Variants in RANBP2 observed in about 807,000 individuals in gnomAD.
The protein encoded by RANBP2 is E3 SUMO-protein ligase RanBP2.
In RANBP2, 57 loss-of-function variants were observed where a neutral mutation model predicts 303.6. The ratio of observed to expected loss-of-function variants is 0.19; its 90% confidence interval spans 0.15 to 0.23. The LOEUF (loss-of-function observed/expected upper bound fraction) is 0.23. Ranked by LOEUF, RANBP2 falls within the 10% of genes least tolerant of loss-of-function variation. The pLI, the probability that RANBP2 is intolerant of heterozygous loss-of-function variation, is 1.00. For synonymous variants in RANBP2, 1,167 were observed against 1,301.5 expected, an observed-to-expected ratio of 0.90 and a Z score of 2.23; for missense variants, 3,138 against 3,780.8, an observed-to-expected ratio of 0.83 and a Z score of 4.46.
intron 1 of RANBP2, among the ~76,000 whole-genome samples, chr2:108,727,327 AGAAG>A (rs1453268578): frequency 1.3e-5 from 2 of 152,346 alleles, no homozygotes; most frequent in East Asian, 3.9e-4. Context: ...GAAATTGTGA[AGAAG>A]GAAAAAGAAA....
At chr2:109,174,122 C>T in the RANBP2 span, among the ~76,000 whole-genome samples, 1 of 152,244 alleles carries the variant, frequency 6.6e-6, no homozygotes, top group Admixed American at 6.5e-5. Flanking sequence ...GACAGCAGGG[C>T]TGTGCCATAG....
At chr2:109,676,081 C>G in the RANBP2 span, among the ~76,000 whole-genome samples, 1 of 152,256 alleles carries the variant, frequency 6.6e-6, no homozygotes, top group Non-Finnish European at 1.5e-5. Context: ...ATCCATCAGT[C>G]TTGCTCTGTG....
At chr2:109,187,067 T>C in the RANBP2 span, among the ~76,000 whole-genome samples, 2 of 152,126 alleles carry the variant, frequency 1.3e-5, no homozygotes, top group African/African-American at 4.8e-5. Flanking sequence ...TCACGGATCA[T>C]TTAAGCATAT....
At chr2:108,747,237 C>CT (rs1696585360) in intron 8 of RANBP2, among the ~76,000 whole-genome samples, 2 of 152,148 alleles carry the variant, frequency 1.3e-5, no homozygotes, top group Admixed American at 6.5e-5. Context: ...ATATTAGGCT[C>CT]TTGGAATTTG....
chr2:109,325,876 T>C, the RANBP2 span, among the ~76,000 whole-genome samples: 530 of 152,348 alleles, frequency 3.5e-3, 5 homozygotes, highest in African/African-American at 0.012. Context: ...GGGAAAAAGT[T>C]CAGAGAGGGT....
At chr2:109,545,425 T>C in the RANBP2 span, 12 of 1,536,076 alleles carry the variant, frequency 7.8e-6, no homozygotes, top group Non-Finnish European at 9.6e-6. Flanking sequence ...CACATGCTAC[T>C]CATGGCTGCC....
chr2:109,572,633 T>C, the RANBP2 span, among the ~76,000 whole-genome samples: 4 of 148,908 alleles, frequency 2.7e-5, no homozygotes, highest in Non-Finnish European at 5.9e-5. Flanking sequence ...TTTTTTTTTT[T>C]TGAGACGGAG....
At chr2:108,885,653 C>T in the RANBP2 span, among the ~76,000 whole-genome samples, 1 of 152,164 alleles carries the variant, frequency 6.6e-6, no homozygotes, top group South Asian at 2.1e-4. Flanking sequence ...GAGTACAATA[C>T]ATCTTTGTTA....
chr2:109,366,833 A>T, the RANBP2 span, among the ~76,000 whole-genome samples: 1 of 152,272 alleles, frequency 6.6e-6, no homozygotes, highest in Non-Finnish European at 1.5e-5. Context: ...AGCCTGGGCA[A>T]CAGAGCAAGA....
At chr2:108,862,201 AAAAAC>A in the RANBP2 span, among the ~76,000 whole-genome samples, 3 of 152,056 alleles carry the variant, frequency 2.0e-5, no homozygotes, top group African/African-American at 7.2e-5. Flanking sequence ...CACTTAAAAA[AAAAAC>A]AAAACAGGAA....
At chr2:109,200,941 G>A in the RANBP2 span, among the ~76,000 whole-genome samples, 3 of 152,260 alleles carry the variant, frequency 2.0e-5, no homozygotes, top group South Asian at 2.1e-4. Flanking sequence ...TGCAGACCTC[G>A]CAGTGGCCCG....
the RANBP2 span, chr2:109,604,691 C>T: frequency 6.7e-6 from 1 of 148,774 alleles, no homozygotes; most frequent in Non-Finnish European, 1.5e-5. Flanking sequence ...TGAGCCACTC[C>T]AGCCTGGGTG....
At chr2:109,040,001 A>G in the RANBP2 span, among the ~76,000 whole-genome samples, 1 of 152,180 alleles carries the variant, frequency 6.6e-6, no homozygotes, top group Non-Finnish European at 1.5e-5. Context: ...GTCTTTCCTT[A>G]AGTTAGTGCT....
chr2:109,220,646 G>A, the RANBP2 span, among the ~76,000 whole-genome samples: 1 of 152,170 alleles, frequency 6.6e-6, no homozygotes, highest in Non-Finnish European at 1.5e-5. Flanking sequence ...TATACAAATG[G>A]CCAGTAAGCA....
the RANBP2 span, among the ~76,000 whole-genome samples, chr2:109,155,549 C>T: frequency 6.6e-6 from 1 of 152,190 alleles, no homozygotes; most frequent in Non-Finnish European, 1.5e-5. Context: ...GATCCGCCTG[C>T]CTCAGCCTCC....
the RANBP2 span, among the ~76,000 whole-genome samples, chr2:109,677,543 G>C: frequency 6.6e-6 from 1 of 152,110 alleles, no homozygotes; most frequent in East Asian, 1.9e-4. Context: ...AAGCTGTATG[G>C]GTCGCCAGAG....
At chr2:108,798,093 A>ATAGG in the RANBP2 span, among the ~76,000 whole-genome samples, 4 of 151,878 alleles carry the variant, frequency 2.6e-5, no homozygotes, top group East Asian at 7.8e-4. Flanking sequence ...AGTGGAGGGT[A>ATAGG]TAGGTAAAAT....
the RANBP2 span, among the ~76,000 whole-genome samples, chr2:108,936,892 T>C: frequency 6.6e-6 from 1 of 152,248 alleles, no homozygotes; most frequent in Non-Finnish European, 1.5e-5. Flanking sequence ...CTTAGTGTCC[T>C]GCTGGCCTTG....
At chr2:109,526,950 C>G in the RANBP2 span, among the ~76,000 whole-genome samples, 1 of 152,148 alleles carries the variant, frequency 6.6e-6, no homozygotes, top group South Asian at 2.1e-4. Context: ...TGCGTGGGGG[C>G]TGGGTATGCA....
Sources: allele counts gnomAD v4.1 joint callset (sites outside exome capture counted in the v4.1 genomes callset), GRCh38; gene constraint gnomAD v4.1.1; transcripts MANE v1.5; gene names NCBI Gene and HGNC (gene_info 2026-07-23, HGNC 2026-07-21).